Variants in LHFPL6 observed in about 807,000 individuals in gnomAD.
The protein encoded by LHFPL6 is LHFPL tetraspan subfamily member 6 protein.
LHFPL6 carries 9 observed loss-of-function variants against 20.6 expected under a neutral mutation model. That is an observed-to-expected ratio of 0.44 (90% confidence interval 0.26 to 0.76). The LOEUF is 0.76. Among genes scored for constraint, LHFPL6 ranks in the 30% least tolerant of loss-of-function variants. The pLI is 0.20. For missense variants in LHFPL6, 218 were observed against 253.5 expected (o/e 0.86, Z 0.95); for synonymous variants, 105 against 98.7 (o/e 1.06, Z -0.38).
intron 2 of LHFPL6, among the ~76,000 whole-genome samples, chr13:39,457,095 T>C (rs1249657368): frequency 6.6e-6 from 1 of 152,166 alleles, no homozygotes; most frequent in African/African-American, 2.4e-5. Context: ...CCACAGCACT[T>C]GGCCAAATTA....
At chr13:39,439,264 G>C (rs1593313382) in intron 2 of LHFPL6, among the ~76,000 whole-genome samples, 1 of 152,148 alleles carries the variant, frequency 6.6e-6, no homozygotes, top group African/African-American at 2.4e-5. Context: ...TGCCCTGCTG[G>C]GTGCAGGACT....
intron 2 of LHFPL6, among the ~76,000 whole-genome samples, chr13:39,386,125 G>T (rs1870557363): frequency 6.6e-6 from 1 of 152,138 alleles, no homozygotes; most frequent in African/African-American, 2.4e-5. Context: ...CATGAAAGCT[G>T]CTCAATCTTG....
intron 2 of LHFPL6, among the ~76,000 whole-genome samples, chr13:39,463,107 C>T (rs565867392): frequency 1.9e-4 from 29 of 152,304 alleles, no homozygotes; most frequent in African/African-American, 4.3e-4. Flanking sequence ...GGCTTCATCG[C>T]TATTGCCAGC....
intron 3 of LHFPL6, among the ~76,000 whole-genome samples, chr13:39,364,185 G>C (rs926060418): frequency 1.8e-4 from 28 of 152,198 alleles, no homozygotes; most frequent in African/African-American, 6.0e-4. Context: ...TGGCAGGGAA[G>C]AGAGTAGAGA....
chr13:39,602,688 A>C (rs983531261), intron 1 of LHFPL6, among the ~76,000 whole-genome samples, 195 bp downstream of exon 1: 2 of 152,130 alleles, frequency 1.3e-5, no homozygotes, highest in African/African-American at 4.8e-5. Context: ...AAGGGAGGGG[A>C]TAAGGATGGG....
intron 3 of LHFPL6, among the ~76,000 whole-genome samples, chr13:39,365,655 C>T (rs773069528): frequency 2.2e-4 from 34 of 152,146 alleles, no homozygotes; most frequent in Non-Finnish European, 3.8e-4. Flanking sequence ...CAACAAATAG[C>T]CATCAAAAAG....
At chr13:39,480,852 AT>A (rs1868486216) in intron 2 of LHFPL6, among the ~76,000 whole-genome samples, 1 of 152,212 alleles carries the variant, frequency 6.6e-6, no homozygotes, top group South Asian at 2.1e-4. Context: ...AGGTCAAAAA[AT>A]GGTACATACT....
At chr13:39,421,282 T>C (rs1431907038) in intron 2 of LHFPL6, among the ~76,000 whole-genome samples, 4 of 152,198 alleles carry the variant, frequency 2.6e-5, no homozygotes, top group African/African-American at 7.2e-5. Context: ...ATGATAAAAA[T>C]GTTTGCTTTA....
At chr13:39,411,102 T>C (rs1043005967) in intron 2 of LHFPL6, among the ~76,000 whole-genome samples, 1 of 152,208 alleles carries the variant, frequency 6.6e-6, no homozygotes, top group African/African-American at 2.4e-5. Context: ...ACGGGTAGTA[T>C]GATATGTATG....
chr13:39,545,898 G>A (rs955705507), intron 2 of LHFPL6, among the ~76,000 whole-genome samples: 2 of 152,050 alleles, frequency 1.3e-5, no homozygotes, highest in Non-Finnish European at 2.9e-5. Flanking sequence ...TAGTGAGGCT[G>A]CTTCTCTGCA....
chr13:39,562,447 C>CATATATACATAT (rs1185334406), intron 2 of LHFPL6, among the ~76,000 whole-genome samples: 1,675 of 67,740 alleles, frequency 0.025, 185 homozygotes, highest in East Asian at 0.096. Flanking sequence ...TACATATATA[C>CATATATACATAT]ACATATATAC....
At chr13:39,373,329 G>A (rs1207401113) in intron 3 of LHFPL6, among the ~76,000 whole-genome samples, 3 of 152,196 alleles carry the variant, frequency 2.0e-5, no homozygotes, top group South Asian at 2.1e-4. Flanking sequence ...CATGGTCAGA[G>A]GGGGCTGTCA....
At chr13:39,525,219 C>T (rs1002830706) in intron 2 of LHFPL6, among the ~76,000 whole-genome samples, 2 of 152,150 alleles carry the variant, frequency 1.3e-5, no homozygotes, top group East Asian at 1.9e-4. Context: ...CTCTCAGATT[C>T]GTTTAAGAGT....
intron 2 of LHFPL6, among the ~76,000 whole-genome samples, chr13:39,562,007 G>A (rs915010519): frequency 3.3e-5 from 5 of 152,134 alleles, no homozygotes; most frequent in African/African-American, 7.2e-5. Context: ...CTAATTTCAA[G>A]TTCTGTATTC....
intron 2 of LHFPL6, among the ~76,000 whole-genome samples, chr13:39,502,024 T>A (rs1869310021): frequency 1.3e-5 from 2 of 152,214 alleles, no homozygotes; most frequent in Non-Finnish European, 2.9e-5. Context: ...AACTCTGTTT[T>A]CTTGTAAATC....
intron 2 of LHFPL6, among the ~76,000 whole-genome samples, chr13:39,479,776 T>C (rs549870562): frequency 1.3e-5 from 2 of 152,320 alleles, no homozygotes; most frequent in East Asian, 3.9e-4. Context: ...GTCTGCATAC[T>C]AATAGCAAAC....
chr13:39,347,979 A>C (rs980875006), intron 3 of LHFPL6, among the ~76,000 whole-genome samples: 2 of 152,238 alleles, frequency 1.3e-5, no homozygotes, highest in African/African-American at 2.4e-5. Context: ...ACTTAAGAAA[A>C]AATTGCTGAG....
At chr13:39,492,121 G>C (rs1868945158) in intron 2 of LHFPL6, among the ~76,000 whole-genome samples, 1 of 152,182 alleles carries the variant, frequency 6.6e-6, no homozygotes, top group Non-Finnish European at 1.5e-5. Context: ...TACTGTGAAT[G>C]ACTAAATGAA....
chr13:39,532,310 C>G (rs1412571276), intron 2 of LHFPL6, among the ~76,000 whole-genome samples: 2 of 152,228 alleles, frequency 1.3e-5, no homozygotes, highest in East Asian at 1.9e-4. Context: ...CAAAACAGCC[C>G]CAACTGATGT....
Sources: allele counts gnomAD v4.1 joint callset (sites outside exome capture counted in the v4.1 genomes callset), GRCh38; gene constraint gnomAD v4.1.1; transcripts MANE v1.5; gene names NCBI Gene and HGNC (gene_info 2026-07-23, HGNC 2026-07-21).